Variants in IGSF10 observed in about 807,000 individuals in gnomAD.
The protein encoded by IGSF10 is immunoglobulin superfamily member 10.
In IGSF10, 126 loss-of-function variants were observed where a neutral mutation model predicts 128.2. The observed-to-expected ratio is 0.98, with a 90% CI of 0.85 to 1.14. The LOEUF (loss-of-function observed/expected upper bound fraction) is 1.14. IGSF10 is among the 50% of genes most tolerant of loss of function. The pLI is 0.00. For synonymous variants in IGSF10, 1,185 were observed against 1,146.2 expected (o/e 1.03, Z -0.68); for missense variants, 3,295 against 3,149.8 (o/e 1.05, Z -1.10).
At chr3:151,538,167 C>T in the IGSF10 span, among the ~76,000 whole-genome samples, 2 of 152,122 alleles carry the variant, frequency 1.3e-5, no homozygotes, top group Non-Finnish European at 2.9e-5. Flanking sequence ...TCTCATTCTG[C>T]GACTTCACTG....
chr3:151,445,185 C>T lies in IGSF10; in HGVS notation c.4796G>A (p.Gly1599Asp), dbSNP rs374980131. The T allele has an allele frequency of 3.1e-6, 5 of 1,614,232 alleles. No homozygotes were observed. The highest frequency in any genetic ancestry group is 2.2e-5 in the East Asian group (1 of 44,890). The change falls in exon 6 of 8, where the codon GGC becomes GAC. Residue 1599 changes from glycine to aspartate, a missense_variant. Physicochemically the swap from Gly to Asp is moderately conservative, Grantham distance 94. Transcript: ENST00000282466. ...AACAAGAGTGGTGGCCTCGGACAGG[C>T]CTGTAGTAGCCAACATGCTTACTTC... Reference protein sequence around the residue: ...KPEVSMLATTGLSEATTLVSD... With the variant: ...KPEVSMLATTDLSEATTLVSD...
the IGSF10 span, among the ~76,000 whole-genome samples, chr3:151,558,104 A>C: frequency 7.0e-6 from 1 of 143,658 alleles, no homozygotes; most frequent in African/African-American, 2.6e-5. Flanking sequence ...TCTATTTTTC[A>C]TGTATAATCT....
At chr3:151,582,204 T>C in the IGSF10 span, among the ~76,000 whole-genome samples, 3 of 150,792 alleles carry the variant, frequency 2.0e-5, no homozygotes, top group Non-Finnish European at 2.9e-5. Flanking sequence ...CCATAACAGA[T>C]ATTTTCATTG....
chr3:151,515,810 C>T, the IGSF10 span, among the ~76,000 whole-genome samples: 5 of 151,210 alleles, frequency 3.3e-5, no homozygotes, highest in Middle Eastern at 3.2e-3. Context: ...TTTGGTTTGT[C>T]AAGCCCAAAA....
At chr3:151,501,839 T>G in the IGSF10 span, among the ~76,000 whole-genome samples, 1 of 152,098 alleles carries the variant, frequency 6.6e-6, no homozygotes, top group African/African-American at 2.4e-5. Context: ...ATATCAACAT[T>G]GTTTTTGGAA....
chr3:151,447,327 G>T lies in IGSF10; in HGVS notation c.2654C>A (p.Thr885Lys), dbSNP rs201945068. ...GACAGTGGATGAATGTTGATTGGTT[G>T]TGCCTTGTATTTGGCTTGACATGGT... ...NPTMSSQIQGTTNQHSSTVFP... is the reference protein window; with the variant it reads ...NPTMSSQIQGKTNQHSSTVFP... Residue 885 changes from threonine to lysine, a missense_variant, in exon 6 of 8, where the codon ACA becomes AAA. Coordinates refer to ENST00000282466, the MANE Select transcript of IGSF10 (RefSeq NM_178822.5). 1 of 1,614,200 alleles carries T rather than the reference G, an allele frequency of 6.2e-7. No homozygotes were observed. The highest frequency in any genetic ancestry group is 8.5e-7 in the Non-Finnish European group (1 of 1,180,042).
rs1720329684 is a variant in IGSF10, at chr3:151,436,937, T to C, written c.7624A>G (p.Thr2542Ala). The change falls in exon 8 of 8, where the codon ACA becomes GCA. Residue 2542 changes from threonine (T) to alanine (A), a missense_variant. Physicochemically the swap from Thr to Ala is moderately conservative, Grantham distance 58. Transcript: ENST00000282466. ...CAGTGGAGCTGAAAGGCTGCCCCTG[T>C]CCTGGTGACAATACTCCTGGGTGGA... ...NRPPRSIVTR[T>A]GAAFQLHCVA... 1.2e-6 allele frequency: 2 copies of C among 1,614,190 alleles called. No homozygotes were observed. Among genetic ancestry groups the C allele is most frequent in the East Asian group, 2.2e-5 (1 of 44,890 alleles).
chr3:151,546,421 C>T, the IGSF10 span, among the ~76,000 whole-genome samples: 2 of 152,118 alleles, frequency 1.3e-5, no homozygotes, highest in Admixed American at 6.5e-5. Context: ...AATTATGGCT[C>T]ACCATAGCCT....
chr3:151,460,280 C>A lies in IGSF10; in HGVS notation c.-21G>T. On this transcript the variant is annotated 5_prime_UTR_variant, in exon 2 of 8. Coordinates refer to ENST00000282466, the MANE Select transcript of IGSF10 (RefSeq NM_178822.5). Reference sequence around the variant, plus strand: ...CAATACCTGAGCTCTTCTTTCAGGTCCTGAGTCCTCTTGTGACATAGGCAG... The same window carrying A: ...CAATACCTGAGCTCTTCTTTCAGGTACTGAGTCCTCTTGTGACATAGGCAG... 2 of 977,994 alleles carry A rather than the reference C, an allele frequency of 2.0e-6. No homozygotes were observed. The highest frequency in any genetic ancestry group is 2.4e-6 in the Non-Finnish European group (2 of 823,188). 60.6% of individuals were successfully genotyped at this position (977,994 alleles called of 1,614,324 possible). A position where few individuals can be genotyped will look rare whatever the true frequency, so the allele number is the denominator to read the frequency against.
Position 151,436,594 on chromosome 3 carries a change from T to A in IGSF10, c.*95A>T. ...CATTGTAAATTTAATACTGTAAATG[T>A]ATTCAAATTCATTTACATGCCTATG... On this transcript the variant is annotated 3_prime_UTR_variant, in exon 8 of 8. Transcript: ENST00000282466. The A allele has an allele frequency of 2.5e-6, 2 of 803,684 alleles. No homozygotes were observed. Among genetic ancestry groups the A allele is most frequent in the Non-Finnish European group, 4.0e-6 (2 of 496,258 alleles). 49.8% of individuals were successfully genotyped at this position (803,684 alleles called of 1,614,324 possible). A position where few individuals can be genotyped will look rare whatever the true frequency, so the allele number is the denominator to read the frequency against.
chr3:151,545,143 GT>G, the IGSF10 span, among the ~76,000 whole-genome samples: 4 of 152,042 alleles, frequency 2.6e-5, no homozygotes, highest in Non-Finnish European at 4.4e-5. Flanking sequence ...AATTTTGAAA[GT>G]TTTTTTATGC....
the IGSF10 span, among the ~76,000 whole-genome samples, chr3:151,548,525 T>C: frequency 6.6e-6 from 1 of 152,200 alleles, no homozygotes; most frequent in Non-Finnish European, 1.5e-5. Context: ...GAGAATTTGT[T>C]GCATGACACT....
the IGSF10 span, among the ~76,000 whole-genome samples, chr3:151,591,857 T>G: frequency 1.3e-5 from 2 of 152,172 alleles, no homozygotes; most frequent in African/African-American, 4.8e-5. Flanking sequence ...CCTGGAAATA[T>G]TTTGGCAAAT....
At chr3:151,442,347 TAC>T (rs1720903731) in intron 7 of IGSF10, among the ~76,000 whole-genome samples, 1 of 151,454 alleles carries the variant, frequency 6.6e-6, no homozygotes, top group African/African-American at 2.4e-5. Flanking sequence ...CTGTTTTGTT[TAC>T]AGAGAGTGTG....
intron 4 of IGSF10, 121 bp downstream of exon 4, chr3:151,456,905 T>A: frequency 1.0e-6 from 1 of 955,466 alleles, no homozygotes; most frequent in African/African-American, 1.6e-5. Context: ...TCCATTGACG[T>A]CTGCTTCTAA....
chr3:151,614,585 A>T, the IGSF10 span, among the ~76,000 whole-genome samples: 2 of 150,054 alleles, frequency 1.3e-5, no homozygotes, highest in Non-Finnish European at 3.0e-5. Context: ...AAAACCAAAC[A>T]CCGCATGCTG....
At chr3:151,605,913 C>T in the IGSF10 span, among the ~76,000 whole-genome samples, 2 of 152,154 alleles carry the variant, frequency 1.3e-5, no homozygotes, top group Non-Finnish European at 2.9e-5. Flanking sequence ...GATTTTTGGG[C>T]CTCACCCCCA....
At chr3:151,491,844 A>G in the IGSF10 span, among the ~76,000 whole-genome samples, 661 of 152,316 alleles carry the variant, frequency 4.3e-3, 3 homozygotes, top group Middle Eastern at 0.024. Context: ...CCACAAGAAA[A>G]CAAAACTACA....
upstream of IGSF10, among the ~76,000 whole-genome samples, chr3:151,463,804 G>A (rs1189525796): frequency 6.6e-6 from 1 of 151,682 alleles, no homozygotes; most frequent in East Asian, 1.9e-4. Flanking sequence ...TGGTCAACAT[G>A]GTGAAACCCC....
Sources: gnomAD v4.1 joint callset for allele counts (sites outside exome capture counted in the v4.1 genomes callset) on GRCh38, gnomAD v4.1.1 for gene constraint, MANE v1.5 for transcripts, NCBI Gene and HGNC (gene_info 2026-07-23, HGNC 2026-07-21) for gene names.